Variants in SLC8A1 observed in about 807,000 individuals in gnomAD.
The protein encoded by SLC8A1 is solute carrier family 8 member A1.
A neutral mutation model predicts 68.3 loss-of-function variants in SLC8A1; 18 were observed. The ratio of observed to expected loss-of-function variants is 0.26; its 90% confidence interval spans 0.18 to 0.39. The LOEUF is 0.39. Among genes scored for constraint, SLC8A1 ranks in the 10% least tolerant of loss-of-function variants. SLC8A1 has a pLI of 1.00. For synonymous variants in SLC8A1, 475 were observed against 415.5 expected (o/e 1.14, Z -1.74); for missense variants, 985 against 1,156.7 (o/e 0.85, Z 2.15).
chr2:40,466,714 A>G (rs1355482987), intron 1 of SLC8A1, among the ~76,000 whole-genome samples: 2 of 152,272 alleles, frequency 1.3e-5, no homozygotes, highest in Middle Eastern at 3.4e-3. Context: ...TGTGCATATT[A>G]TAATACCTAA....
At chr2:40,161,934 C>CAACT (rs1379780263) in intron 5 of SLC8A1, among the ~76,000 whole-genome samples, 1 of 152,144 alleles carries the variant, frequency 6.6e-6, no homozygotes. Context: ...AGCACATTTC[C>CAACT]AACTAACTGG....
chr2:40,228,571 G>C (rs1302436869), intron 2 of SLC8A1, among the ~76,000 whole-genome samples: 1 of 152,280 alleles, frequency 6.6e-6, no homozygotes, highest in Middle Eastern at 3.4e-3. Context: ...TCATGTGTTG[G>C]CATCACTGAA....
rs1332706245 is a variant in SLC8A1, at chr2:40,213,322, G to A, written c.1809-35467C>T. 4.6e-5 allele frequency: 7 copies of A among 152,096 alleles called. No homozygotes were observed. In the East Asian group the frequency reaches 1.4e-3, roughly 29 times the overall value. The allele number at this position is 152,096 out of a possible 1,614,324, so 9.4% of individuals were successfully genotyped here. A position where few individuals can be genotyped will look rare whatever the true frequency, so the allele number is the denominator to read the frequency against. ...AAGGGAAATAGCCTTTTCTAGACTG[G>A]ATATATTTGACCAGTAGATGGAGTA... On this transcript the variant is annotated intron_variant, in intron 2 of 7. Coordinates refer to ENST00000406785, the Ensembl canonical transcript of SLC8A1.
At chr2:40,177,634 G>A in intron 3 of SLC8A1, 1 of 613,032 alleles carries the variant, frequency 1.6e-6, no homozygotes, top group Non-Finnish European at 2.9e-6. Flanking sequence ...AGCTTCAAAG[G>A]CAATGAAGTA....
intron 2 of SLC8A1, among the ~76,000 whole-genome samples, chr2:40,223,297 A>G (rs571809161): frequency 2.6e-5 from 4 of 152,282 alleles, no homozygotes; most frequent in East Asian, 3.9e-4. Flanking sequence ...GTTCTCACTC[A>G]TAAGTGGGAG....
At chr2:40,353,379 T>C (rs1427751902) in intron 2 of SLC8A1, among the ~76,000 whole-genome samples, 1 of 152,130 alleles carries the variant, frequency 6.6e-6, no homozygotes, top group African/African-American at 2.4e-5. Flanking sequence ...CCTCAAAAAC[T>C]TGGCCTCATC....
chr2:40,460,699 G>C (rs1703291944), intron 1 of SLC8A1, among the ~76,000 whole-genome samples: 1 of 151,836 alleles, frequency 6.6e-6, no homozygotes, highest in African/African-American at 2.4e-5. Context: ...GCCTCCCCGA[G>C]TAGCTGGGAT....
intron 2 of SLC8A1, among the ~76,000 whole-genome samples, chr2:40,245,271 G>A (rs1210592352): frequency 8.8e-6 from 1 of 113,982 alleles, no homozygotes; most frequent in African/African-American, 3.9e-5. Flanking sequence ...CAGCTCTTTA[G>A]TTTGGGAGCC....
At chr2:40,354,573 T>G (rs1672106972) in intron 2 of SLC8A1, among the ~76,000 whole-genome samples, 2 of 152,154 alleles carry the variant, frequency 1.3e-5, no homozygotes, top group African/African-American at 4.8e-5. Context: ...ATGAAGTGTG[T>G]GAAGGTGACT....
chr2:40,488,486 G>C (rs918454866), intron 1 of SLC8A1, among the ~76,000 whole-genome samples: 7 of 151,898 alleles, frequency 4.6e-5, no homozygotes, highest in Non-Finnish European at 8.8e-5. Flanking sequence ...ACGCATGTGT[G>C]TATTTTAAGC....
chr2:40,391,619 A>T (rs1424926724), intron 2 of SLC8A1, among the ~76,000 whole-genome samples: 1 of 152,022 alleles, frequency 6.6e-6, no homozygotes, highest in East Asian at 1.9e-4. Flanking sequence ...TAGAGTCTTT[A>T]CTTCAAAGTC....
chr2:40,235,305 A>G (rs1051689804), intron 2 of SLC8A1, among the ~76,000 whole-genome samples: 5 of 152,186 alleles, frequency 3.3e-5, no homozygotes, highest in African/African-American at 1.2e-4. Context: ...CAGAGATTCA[A>G]CTTCTTCCTG....
chr2:40,252,788 A>ATG lies in SLC8A1; in HGVS notation c.1809-74934_1809-74933insCA, dbSNP rs137878728. On this transcript the variant is annotated intron_variant, in intron 2 of 7. Transcript: ENST00000406785. The stretch of plus-strand genomic sequence containing the variant: ...AGAAGGTGAATGTTAGCACATATAT[A>ATG]TATGTGTGTGTATATATGTACATAT... 3.8e-3 allele frequency among the ~76,000 whole-genome samples: 566 copies of ATG among 150,176 alleles called. 22 individuals carry two copies. Among genetic ancestry groups the ATG allele is most frequent in the African/African-American group, 0.011 (457 of 40,226 alleles).
intron 6 of SLC8A1, among the ~76,000 whole-genome samples, chr2:40,157,536 C>T (rs1251432898): frequency 6.6e-6 from 1 of 152,196 alleles, no homozygotes; most frequent in African/African-American, 2.4e-5. Flanking sequence ...CTTTATCCAG[C>T]TAATGTTTGC....
chr2:40,128,744 A>G (rs1014203416), intron 7 of SLC8A1, among the ~76,000 whole-genome samples: 1 of 152,242 alleles, frequency 6.6e-6, no homozygotes, highest in Admixed American at 6.5e-5. Flanking sequence ...ACAAATCCAT[A>G]TATACACAAA....
chr2:40,474,287 T>C (rs1386170008), intron 1 of SLC8A1, among the ~76,000 whole-genome samples: 1 of 152,204 alleles, frequency 6.6e-6, no homozygotes, highest in East Asian at 1.9e-4. Context: ...GTTCAGTCTT[T>C]GTTGTATTCT....
chr2:40,486,604 T>A (rs921708467), intron 1 of SLC8A1, among the ~76,000 whole-genome samples: 1 of 152,186 alleles, frequency 6.6e-6, no homozygotes, highest in African/African-American at 2.4e-5. Context: ...AACACACAGA[T>A]AATATATCAA....
intron 2 of SLC8A1, among the ~76,000 whole-genome samples, chr2:40,329,100 A>G (rs1008019693): frequency 1.4e-5 from 2 of 143,078 alleles, no homozygotes; most frequent in Non-Finnish European, 3.1e-5. Flanking sequence ...ACACACACAC[A>G]CGCACTGGAC....
chr2:40,388,676 T>C (rs957826542), intron 2 of SLC8A1, among the ~76,000 whole-genome samples: 1 of 152,172 alleles, frequency 6.6e-6, no homozygotes, highest in Non-Finnish European at 1.5e-5. Context: ...TCCTCTTTTA[T>C]TCAGAAGCTT....
Sources: allele counts gnomAD v4.1 joint callset (sites outside exome capture counted in the v4.1 genomes callset), GRCh38; gene constraint gnomAD v4.1.1; transcripts MANE v1.5; gene names NCBI Gene and HGNC (gene_info 2026-07-23, HGNC 2026-07-21).